The following KSR2 variants were observed in gnomAD, a reference collection of about 807,000 sequenced individuals.
KSR2 encodes kinase suppressor of ras 2.
Under a neutral mutation model 107.8 loss-of-function variants are expected in KSR2, and 25 were observed. The observed-to-expected ratio is 0.23, with a 90% CI of 0.17 to 0.32. The LOEUF is 0.32. KSR2 is among the 10% of genes least tolerant of loss of function. The pLI is 1.00. For missense variants in KSR2, 887 were observed against 1,268.9 expected (o/e 0.70, Z 4.57); for synonymous variants, 480 against 507.0 (o/e 0.95, Z 0.71).
chr12:117,670,464 G>A (rs1181702790), intron 4 of KSR2, among the ~76,000 whole-genome samples: 1 of 152,176 alleles, frequency 6.6e-6, no homozygotes, highest in Non-Finnish European at 1.5e-5. Flanking sequence ...TACGGCACCA[G>A]GGTGCATCTC....
chr12:117,743,151 T>C (rs1888284828), intron 4 of KSR2, among the ~76,000 whole-genome samples: 1 of 152,202 alleles, frequency 6.6e-6, no homozygotes. Flanking sequence ...TCACCATCCA[T>C]CTTAAACAAC....
chr12:117,541,093 T>TGGGAGGCA (rs1238056448), intron 9 of KSR2, among the ~76,000 whole-genome samples: 55 of 151,660 alleles, frequency 3.6e-4, no homozygotes, highest in African/African-American at 1.0e-3. Flanking sequence ...TGTGGAGGAA[T>TGGGAGGCA]GGGAGGCAGG....
chr12:117,498,604 T>C (rs1873183156), intron 14 of KSR2, among the ~76,000 whole-genome samples: 1 of 152,156 alleles, frequency 6.6e-6, no homozygotes, highest in African/African-American at 2.4e-5. Context: ...TCATGCCAAG[T>C]GATACGATTT....
chr12:117,951,022 C>T (rs1479250229), intron 1 of KSR2, among the ~76,000 whole-genome samples: 1 of 151,926 alleles, frequency 6.6e-6, no homozygotes, highest in Non-Finnish European at 1.5e-5. Flanking sequence ...ATTCTCCTGC[C>T]TTAGCCTCCC....
chr12:117,891,925 G>A (rs191384000), intron 1 of KSR2, among the ~76,000 whole-genome samples: 228 of 152,230 alleles, frequency 1.5e-3, no homozygotes, highest in Middle Eastern at 3.4e-3. Context: ...ACTTGAGCCC[G>A]GGAGGCTGAA....
At chr12:117,916,324 A>T (rs1895174404) in intron 1 of KSR2, among the ~76,000 whole-genome samples, 1 of 151,280 alleles carries the variant, frequency 6.6e-6, no homozygotes, top group Admixed American at 6.6e-5. Flanking sequence ...TTTAGTAGAG[A>T]CGGGGTTTCA....
chr12:117,576,181 C>T (rs951963728), intron 7 of KSR2, among the ~76,000 whole-genome samples: 2 of 152,214 alleles, frequency 1.3e-5, no homozygotes, highest in Admixed American at 1.3e-4. Flanking sequence ...TGTTCAGCCT[C>T]ACTACCCCAG....
chr12:117,652,858 T>G (rs1883961175), intron 5 of KSR2, among the ~76,000 whole-genome samples: 1 of 152,022 alleles, frequency 6.6e-6, no homozygotes. Context: ...GTCCAGTGGG[T>G]CTCCGGACTC....
At chr12:117,481,085 C>A (rs1872149700) in intron 16 of KSR2, among the ~76,000 whole-genome samples, 2 of 152,016 alleles carry the variant, frequency 1.3e-5, no homozygotes, top group South Asian at 2.1e-4. Flanking sequence ...AAAAAAAGAG[C>A]AAAATGCTAA....
At chr12:117,609,978 A>T (rs1462995053) in intron 5 of KSR2, among the ~76,000 whole-genome samples, 1 of 152,116 alleles carries the variant, frequency 6.6e-6, no homozygotes, top group Non-Finnish European at 1.5e-5. Flanking sequence ...TCCTGAGCTG[A>T]CCCAACTTCC....
At chr12:117,818,716 C>T (rs890548537) in intron 3 of KSR2, among the ~76,000 whole-genome samples, 16 of 152,144 alleles carry the variant, frequency 1.1e-4, no homozygotes, top group East Asian at 3.8e-4. Flanking sequence ...GGAGGAGGAA[C>T]GCCTGCTGTC....
chr12:117,515,131 C>A (rs1874285649), intron 14 of KSR2, among the ~76,000 whole-genome samples: 1 of 152,208 alleles, frequency 6.6e-6, no homozygotes, highest in East Asian at 1.9e-4. Flanking sequence ...GACGGGCAGA[C>A]ATCATGCCTT....
chr12:117,957,146 A>ATCTT (rs375151002), intron 1 of KSR2, among the ~76,000 whole-genome samples: 4 of 151,998 alleles, frequency 2.6e-5, no homozygotes, highest in African/African-American at 9.7e-5. Flanking sequence ...GTTTCTCCTC[A>ATCTT]TCTTTCTTTC....
intron 4 of KSR2, among the ~76,000 whole-genome samples, chr12:117,688,569 T>C (rs1176449173): frequency 6.6e-6 from 1 of 152,220 alleles, no homozygotes; most frequent in Non-Finnish European, 1.5e-5. Flanking sequence ...CAGTGTCCAA[T>C]TGGCAGGTTT....
In KSR2 at chr12:117,682,440, G is replaced by A. The variant is rs184514541; in HGVS notation, c.987-14782C>T. ...TTTTTTTTGTTTTTTTTTTTGAGAC[G>A]GAGTTTTGTTCTTGTTGCCCAGGCT... is the stretch of plus-strand genomic sequence containing the variant. On this transcript the variant is annotated intron_variant, in intron 4 of 19. Transcript: ENST00000339824. 8.0e-4 allele frequency among the ~76,000 whole-genome samples: 121 copies of A among 151,424 alleles called. 1 individual carries two copies. In the East Asian group the frequency reaches 9.3e-3, roughly 12 times the overall value.
intron 4 of KSR2, among the ~76,000 whole-genome samples, chr12:117,741,046 A>T (rs1888200604): frequency 6.6e-6 from 1 of 152,188 alleles, no homozygotes; most frequent in Admixed American, 6.5e-5. Flanking sequence ...AACTTACTTG[A>T]CGGTCAAGGT....
chr12:117,922,795 G>C (rs916831701), intron 1 of KSR2, among the ~76,000 whole-genome samples: 4 of 152,214 alleles, frequency 2.6e-5, no homozygotes, highest in Non-Finnish European at 5.9e-5. Context: ...TCACAATTGA[G>C]TGGAGAATGG....
intron 7 of KSR2, among the ~76,000 whole-genome samples, chr12:117,571,164 G>A (rs57755445): frequency 1.7e-3 from 264 of 152,154 alleles, no homozygotes; most frequent in Non-Finnish European, 3.0e-3. Context: ...AGGCGGAGGC[G>A]GGAGAATTGC....
chr12:117,902,246 G>A (rs927152745), intron 1 of KSR2, among the ~76,000 whole-genome samples: 1 of 152,170 alleles, frequency 6.6e-6, no homozygotes, highest in Non-Finnish European at 1.5e-5. Flanking sequence ...ATCACTTGAG[G>A]TGAGGAGTTT....
Sources: gnomAD v4.1 joint callset for allele counts (sites outside exome capture counted in the v4.1 genomes callset) on GRCh38, gnomAD v4.1.1 for gene constraint, MANE v1.5 for transcripts, NCBI Gene and HGNC (gene_info 2026-07-23, HGNC 2026-07-21) for gene names.